The following MIPOL1 variants were observed in gnomAD, a reference collection of about 807,000 sequenced individuals.
The protein encoded by MIPOL1 is mirror-image polydactyly 1.
MIPOL1 carries 57 observed loss-of-function variants against 60.9 expected under a neutral mutation model. The observed-to-expected ratio is 0.94, with a 90% CI of 0.76 to 1.17. The LOEUF is 1.17. Ranked by LOEUF, MIPOL1 falls within the 50% of genes most tolerant of loss-of-function variation. MIPOL1 has a pLI of 0.00. For synonymous variants in MIPOL1, 179 were observed against 168.8 expected (o/e 1.06, Z -0.47); for missense variants, 551 against 511.6 (o/e 1.08, Z -0.74).
intron 1 of MIPOL1, 141 bp downstream of exon 1, chr14:37,198,245 C>A (rs980965908): frequency 5.9e-5 from 9 of 152,318 alleles, no homozygotes; most frequent in African/African-American, 2.2e-4. Flanking sequence ...AATGCTGACC[C>A]CGCGTGGCCG....
At chr14:37,432,905 G>T (rs1359830892) in intron 11 of MIPOL1, among the ~76,000 whole-genome samples, 2 of 152,094 alleles carry the variant, frequency 1.3e-5, no homozygotes, top group South Asian at 2.1e-4. Flanking sequence ...ATTATTCAGG[G>T]TTCTTCAGAG....
intron 9 of MIPOL1, among the ~76,000 whole-genome samples, chr14:37,347,037 T>A (rs1479091603): frequency 6.6e-6 from 1 of 152,106 alleles, no homozygotes; most frequent in Non-Finnish European, 1.5e-5. Context: ...AAACTTTAGG[T>A]CGTCCAGCAG....
At chr14:37,441,523 G>C (rs187930966) in intron 11 of MIPOL1, among the ~76,000 whole-genome samples, 1 of 152,084 alleles carries the variant, frequency 6.6e-6, no homozygotes, top group African/African-American at 2.4e-5. Flanking sequence ...TGTCAATTTT[G>C]TCAAAGATCA....
chr14:37,239,266 C>T (rs1430372950), intron 1 of MIPOL1, among the ~76,000 whole-genome samples: 5 of 151,848 alleles, frequency 3.3e-5, no homozygotes, highest in African/African-American at 7.3e-5. Flanking sequence ...AGGATGGTCT[C>T]GATCTCCTGA....
intron 12 of MIPOL1, chr14:37,506,427 G>A (rs2095276965): frequency 6.6e-6 from 1 of 152,072 alleles, no homozygotes; most frequent in Non-Finnish European, 1.5e-5. Flanking sequence ...ACAGAACAGA[G>A]CCCTCAGAAA....
At chr14:37,531,928 T>A (rs1282004057) in intron 12 of MIPOL1, among the ~76,000 whole-genome samples, 1 of 152,124 alleles carries the variant, frequency 6.6e-6, no homozygotes, top group Non-Finnish European at 1.5e-5. Flanking sequence ...GGGCCAGTCC[T>A]TGTGTCCTTT....
chr14:37,241,606 G>A (rs1437264323), intron 1 of MIPOL1, among the ~76,000 whole-genome samples: 4 of 151,516 alleles, frequency 2.6e-5, no homozygotes, highest in East Asian at 3.9e-4. Context: ...GGAGGTGGGC[G>A]GAAACCGTTA....
chr14:37,267,917 A>G (rs757430302), intron 4 of MIPOL1, among the ~76,000 whole-genome samples: 33 of 151,836 alleles, frequency 2.2e-4, no homozygotes, highest in Non-Finnish European at 4.3e-4. Flanking sequence ...GTTCTCTACC[A>G]TTTGCATTCC....
chr14:37,528,992 C>T (rs909901419), intron 12 of MIPOL1, among the ~76,000 whole-genome samples: 11 of 152,140 alleles, frequency 7.2e-5, no homozygotes, highest in African/African-American at 2.2e-4. Context: ...TGATTTAAAT[C>T]TTCAGGTATA....
intron 11 of MIPOL1, among the ~76,000 whole-genome samples, chr14:37,492,658 GT>G (rs908331895): frequency 1.3e-5 from 2 of 151,530 alleles, no homozygotes; most frequent in African/African-American, 2.4e-5. Context: ...CAGTAGGTAA[GT>G]TTTTTTTTCC....
chr14:37,264,471 AAAT>A (rs2082726615), intron 3 of MIPOL1, among the ~76,000 whole-genome samples: 1 of 151,918 alleles, frequency 6.6e-6, no homozygotes, highest in Admixed American at 6.6e-5. Flanking sequence ...GAAAAAAAAA[AAAT>A]TAGTGAGGCA....
Position 37,211,002 on chromosome 14 carries a change from C to T in MIPOL1, c.-199+12898C>T, listed in dbSNP as rs573696303. On this transcript the variant is annotated intron_variant, in intron 1 of 12. Transcript: ENST00000684589. ...CTCCTATGATTATCTTGGCCTACAC[C>T]GAGGAAAGGTGAGTACAGCCAGCCT... Among the ~76,000 whole-genome samples the T allele has an allele frequency of 3.9e-5, 6 of 152,182 alleles. No individual in the cohort carries two copies. In the East Asian group the frequency reaches 7.7e-4, roughly 20 times the overall value.
chr14:37,389,322 A>G (rs1367791313), intron 10 of MIPOL1, among the ~76,000 whole-genome samples: 3 of 151,976 alleles, frequency 2.0e-5, no homozygotes, highest in Non-Finnish European at 4.4e-5. Flanking sequence ...AACACACTTC[A>G]TTTCTATTTC....
intron 12 of MIPOL1, among the ~76,000 whole-genome samples, chr14:37,509,691 T>C (rs1331108402): frequency 2.8e-5 from 2 of 70,586 alleles, no homozygotes; most frequent in Non-Finnish European, 5.2e-5. Context: ...TATATACTTA[T>C]AGGTGATATA....
At chr14:37,421,328 C>T (rs186777035) in intron 10 of MIPOL1, among the ~76,000 whole-genome samples, 19 of 152,190 alleles carry the variant, frequency 1.2e-4, no homozygotes, top group Admixed American at 1.0e-3. Context: ...TTAGTAAAAT[C>T]TCTATTACCC....
chr14:37,544,149 G>T (rs1218394035), intron 12 of MIPOL1, among the ~76,000 whole-genome samples: 1 of 152,158 alleles, frequency 6.6e-6, no homozygotes, highest in Admixed American at 6.5e-5. Context: ...GAGCGTTTAA[G>T]TGTCATCAAG....
chr14:37,408,164 A>T (rs2093624235), intron 10 of MIPOL1, among the ~76,000 whole-genome samples: 1 of 151,808 alleles, frequency 6.6e-6, no homozygotes, highest in South Asian at 2.1e-4. Context: ...GAGCCACCAC[A>T]CTCAACTCTC....
chr14:37,505,569 A>T (rs1341235941), intron 12 of MIPOL1: 1 of 152,206 alleles, frequency 6.6e-6, no homozygotes, highest in Non-Finnish European at 1.5e-5. Flanking sequence ...TATGCTAAAA[A>T]CTTTATGCAA....
At chr14:37,354,882 C>T (rs2091684287) in intron 9 of MIPOL1, among the ~76,000 whole-genome samples, 1 of 90,308 alleles carries the variant, frequency 1.1e-5, no homozygotes, top group Admixed American at 1.3e-4. Context: ...CTGTGTCTTT[C>T]AATTGGAGCA....
Sources: gnomAD v4.1 joint callset for allele counts (sites outside exome capture counted in the v4.1 genomes callset) on GRCh38, gnomAD v4.1.1 for gene constraint, MANE v1.5 for transcripts, NCBI Gene and HGNC (gene_info 2026-07-23, HGNC 2026-07-21) for gene names.